ERC1: variants seen among roughly 807,000 people sequenced by gnomAD.
ERC1 encodes the protein ELKS/RAB6-interacting/CAST family member 1.
ERC1 carries 56 observed loss-of-function variants against 132.0 expected under a neutral mutation model. The ratio of observed to expected loss-of-function variants is 0.42; its 90% CI spans 0.34 to 0.53. The LOEUF is 0.53. ERC1 is among the 20% of genes least tolerant of loss of function. The probability of loss-of-function intolerance (pLI) is 0.03; values close to 1 mark genes in which losing one functional copy is unlikely to be tolerated. For synonymous variants in ERC1, 478 were observed against 476.1 expected, an observed-to-expected ratio of 1.00 and a Z score of -0.05; for missense variants, 1,202 against 1,349.9, an observed-to-expected ratio of 0.89 and a Z score of 1.72.
intron 8 of ERC1, among the ~76,000 whole-genome samples, chr12:1,173,600 T>C (rs1291024692): frequency 6.6e-6 from 1 of 152,214 alleles, no homozygotes; most frequent in Non-Finnish European, 1.5e-5. Flanking sequence ...TCAGATCCTA[T>C]GGGTACTTGA....
chr12:1,402,742 A>G (rs995465904), intron 16 of ERC1, among the ~76,000 whole-genome samples: 1 of 152,186 alleles, frequency 6.6e-6, no homozygotes, highest in African/African-American at 2.4e-5. Context: ...AGAGGATTTA[A>G]TGACTTAATT....
chr12:1,028,657 C>T (rs117698549), intron 2 of ERC1, 85 bp downstream of exon 2: 17,168 of 1,103,928 alleles, frequency 0.016, 173 homozygotes, highest in Middle Eastern at 0.031. Context: ...CTAGATTTTT[C>T]CCTTCGTAGT....
intron 13 of ERC1, among the ~76,000 whole-genome samples, chr12:1,251,972 T>C (rs903819252): frequency 4.6e-5 from 7 of 152,154 alleles, no homozygotes; most frequent in African/African-American, 1.7e-4. Flanking sequence ...CCAATGAGAT[T>C]CTTTTTTTTC....
At chr12:1,246,708 C>A (rs984515764) in intron 13 of ERC1, among the ~76,000 whole-genome samples, 1 of 152,206 alleles carries the variant, frequency 6.6e-6, no homozygotes, top group African/African-American at 2.4e-5. Context: ...ACCTCATGAA[C>A]CCCTTGATAC....
In ERC1 at chr12:1,243,172, C is replaced by T. The variant is rs911957244; in HGVS notation, c.2487+6268C>T. On this transcript the variant is annotated intron_variant, in intron 13 of 18. Coordinates refer to ENST00000360905, the MANE Select transcript of ERC1 (RefSeq NM_178040.4). ...ACTGCAGTCCGCAGTCCGGCCTGGGCGACAGAGCGAGACTCCGTCTCAAAA... is the reference window on the plus strand; with the variant it reads ...ACTGCAGTCCGCAGTCCGGCCTGGGTGACAGAGCGAGACTCCGTCTCAAAA... Among the ~76,000 whole-genome samples the T allele has an allele frequency of 7.4e-5, 10 of 135,150 alleles. No individual in the cohort carries two copies. In the East Asian group the frequency reaches 1.3e-3, roughly 17 times the overall value. 88.7% of individuals were successfully genotyped at this position (135,150 alleles called of 152,430 possible). A position where few individuals can be genotyped will look rare whatever the true frequency, so the allele number is the denominator to read the frequency against.
upstream of ERC1, among the ~76,000 whole-genome samples, chr12:990,783 G>A (rs79824915): frequency 1.3e-3 from 196 of 152,256 alleles, no homozygotes; most frequent in African/African-American, 4.5e-3. Context: ...GCCACGAGAA[G>A]TAGGGGGTGG....
intron 1 of ERC1, among the ~76,000 whole-genome samples, chr12:1,006,933 A>G (rs1201085498): frequency 6.7e-6 from 1 of 150,328 alleles, no homozygotes; most frequent in Non-Finnish European, 1.5e-5. Flanking sequence ...CTAATATACA[A>G]TATATATGTG....
intron 18 of ERC1, among the ~76,000 whole-genome samples, chr12:1,465,005 T>C (rs1341244308): frequency 1.3e-5 from 2 of 152,212 alleles, no homozygotes; most frequent in African/African-American, 4.8e-5. Flanking sequence ...TCCTTTGTGT[T>C]GAACGTATTC....
intron 1 of ERC1, among the ~76,000 whole-genome samples, chr12:997,260 C>T (rs1188892128): frequency 6.6e-6 from 1 of 152,182 alleles, no homozygotes; most frequent in African/African-American, 2.4e-5. Context: ...GACTTGGTTA[C>T]TTGACTGATA....
chr12:1,052,965 T>C (rs558999250), intron 2 of ERC1, among the ~76,000 whole-genome samples: 3 of 151,118 alleles, frequency 2.0e-5, no homozygotes, highest in African/African-American at 7.4e-5. Flanking sequence ...AGTGAAACTA[T>C]GTCTCGAAAA....
At chr12:1,148,832 C>T (rs1343314837) in intron 8 of ERC1, among the ~76,000 whole-genome samples, 1 of 152,152 alleles carries the variant, frequency 6.6e-6, no homozygotes, top group African/African-American at 2.4e-5. Context: ...AAACTTCTGA[C>T]CTCAGATGAT....
chr12:1,460,510 A>G (rs2093623820), intron 18 of ERC1, among the ~76,000 whole-genome samples: 1 of 152,176 alleles, frequency 6.6e-6, no homozygotes, highest in East Asian at 1.9e-4. Context: ...TGCGACATCC[A>G]TTTCATTACC....
chr12:1,118,706 C>G (rs1482182553), intron 7 of ERC1, among the ~76,000 whole-genome samples: 1 of 152,152 alleles, frequency 6.6e-6, no homozygotes, highest in Non-Finnish European at 1.5e-5. Flanking sequence ...AGTGTTAGAG[C>G]CCAGTAAAAG....
intron 16 of ERC1, among the ~76,000 whole-genome samples, chr12:1,407,924 C>T (rs1049472715): frequency 2.6e-4 from 39 of 152,074 alleles, no homozygotes; most frequent in African/African-American, 8.7e-4. Flanking sequence ...GGTATGGTAA[C>T]GTTGGGGTTT....
intron 8 of ERC1, among the ~76,000 whole-genome samples, chr12:1,168,555 G>A (rs563468846): frequency 1.0e-3 from 141 of 140,708 alleles, no homozygotes; most frequent in African/African-American, 3.4e-3. Flanking sequence ...CGCAATCTTA[G>A]CTCACTGCAA....
upstream of ERC1, chr12:990,964 T>TGTGTGTGTGTGTGTGTGTGTGTGCGCGC: frequency 1.3e-5 from 2 of 151,882 alleles, no homozygotes; most frequent in Admixed American, 6.6e-5. Context: ...TGTGTGTGTG[T>TGTGTGTGTGTGTGTGTGTGTGTGCGCGC]GTGCAGGGAC....
rs113910503 is a variant in ERC1, at chr12:1,482,020, A to G, written c.3214-8073A>G. On this transcript the variant is annotated intron_variant, in intron 18 of 18. Transcript: ENST00000360905. ...TTTGAACTTACTCCAGTTTGTCTCA[A>G]TTTTTCTGGTAATGAGGTGTCTGAA... Among the ~76,000 whole-genome samples the G allele has an allele frequency of 9.4e-3, 1,432 of 151,970 alleles. 10 individuals carry two copies. The highest frequency in any genetic ancestry group is 0.031 in the African/African-American group (1,290 of 41,414).
At chr12:1,322,804 C>T (rs548622058) in intron 15 of ERC1, among the ~76,000 whole-genome samples, 5 of 152,098 alleles carry the variant, frequency 3.3e-5, no homozygotes, top group East Asian at 1.9e-4. Flanking sequence ...TCCAGCCTGG[C>T]GACCTTAATT....
At chr12:1,443,647 T>C (rs2093224808) in intron 17 of ERC1, 1 of 152,342 alleles carries the variant, frequency 6.6e-6, no homozygotes, top group South Asian at 2.1e-4. Context: ...TTCAGTGTTC[T>C]GTGATGGTGA....
Sources: gnomAD v4.1 joint callset for allele counts (sites outside exome capture counted in the v4.1 genomes callset) on GRCh38, gnomAD v4.1.1 for gene constraint, MANE v1.5 for transcripts, NCBI Gene and HGNC (gene_info 2026-07-23, HGNC 2026-07-21) for gene names.